The following CNST variants were observed in gnomAD, a reference collection of about 807,000 sequenced individuals.
CNST encodes the protein consortin.
A neutral mutation model predicts 72.4 loss-of-function variants in CNST; 39 were observed. The observed-to-expected ratio is 0.54, with a 90% CI of 0.42 to 0.70. The LOEUF is 0.70. Among genes scored for constraint, CNST ranks in the 30% least tolerant of loss-of-function variants. The pLI is 0.00. For missense variants in CNST, 871 were observed against 868.5 expected (o/e 1.00, Z -0.04); for synonymous variants, 332 against 320.1 (o/e 1.04, Z -0.40).
chr1:246,579,795 GTAAA>G (rs1347712372), intron 1 of CNST, among the ~76,000 whole-genome samples: 1 of 152,056 alleles, frequency 6.6e-6, no homozygotes, highest in Admixed American at 6.6e-5. Flanking sequence ...CCTCAGCAGA[GTAAA>G]TAAAACAAAA....
At chr1:246,586,122 T>G (rs1406648815) in intron 1 of CNST, among the ~76,000 whole-genome samples, 1 of 148,378 alleles carries the variant, frequency 6.7e-6, no homozygotes, top group Admixed American at 6.8e-5. Flanking sequence ...TGTGTGTGTG[T>G]GTGTGTGTGT....
At position 246,659,709 on chromosome 1, in the gene CNST, G is replaced by A. The variant is rs1193777249; in HGVS notation, c.1837-490G>A. Among the ~76,000 whole-genome samples the A allele has an allele frequency of 3.3e-5, 5 of 152,204 alleles. No individual in the cohort carries two copies. In the East Asian group the frequency reaches 9.6e-4, roughly 29 times the overall value. ...AAATGCGTAGTTTCTCAGAGAAACT[G>A]AGGACAACACTTTAATGTTAAAAGC... On this transcript the variant is annotated intron_variant, in intron 9 of 10. Coordinates refer to ENST00000366513, the MANE Select transcript of CNST (RefSeq NM_152609.3).
intron 10 of CNST, among the ~76,000 whole-genome samples, chr1:246,663,989 G>A (rs763062318): frequency 2.6e-5 from 4 of 152,008 alleles, no homozygotes; most frequent in Non-Finnish European, 4.4e-5. Flanking sequence ...ACTGCACAAT[G>A]TTCTAAATAA....
chr1:246,642,826 A>G (rs1430237270), intron 8 of CNST, among the ~76,000 whole-genome samples: 2 of 464 alleles, frequency 4.3e-3, no homozygotes, highest in African/African-American at 0.012. Flanking sequence ...GATGGTGATG[A>G]TGGTGGTGAT....
At chr1:246,615,708 G>A (rs941133382) in intron 2 of CNST, among the ~76,000 whole-genome samples, 9 of 151,060 alleles carry the variant, frequency 6.0e-5, no homozygotes, top group African/African-American at 1.7e-4. Context: ...GAGAAACCCC[G>A]TCTCTACTAA....
At position 246,655,513 on chromosome 1, in the gene CNST, C is replaced by T. The variant is rs528677950; in HGVS notation, c.1837-4686C>T. On this transcript the variant is annotated intron_variant, in intron 9 of 10. Coordinates refer to ENST00000366513, the MANE Select transcript of CNST (RefSeq NM_152609.3). ...ACACAAAGATCTTTCATCTAATCTC[C>T]TCTTCCCCTGTGTCTCTAGATGGGC... 2.0e-5 allele frequency among the ~76,000 whole-genome samples: 3 copies of T among 152,286 alleles called. No homozygotes were observed. The South Asian group carries it at 6.2e-4, about 32-fold the overall frequency.
intron 3 of CNST, 41 bp downstream of exon 3, chr1:246,621,675 C>T (rs569000914): frequency 6.6e-7 from 1 of 1,511,260 alleles, no homozygotes; most frequent in African/African-American, 1.4e-5. Context: ...CACGAAAATT[C>T]CCCTAGCAGT....
intron 2 of CNST, among the ~76,000 whole-genome samples, chr1:246,608,328 C>G (rs1332295401): frequency 6.6e-6 from 1 of 152,146 alleles, no homozygotes; most frequent in Admixed American, 6.6e-5. Context: ...CAACAGAGAC[C>G]CTGTCTTTAA....
intron 1 of CNST, among the ~76,000 whole-genome samples, chr1:246,581,656 T>C (rs926868779): frequency 1.3e-5 from 2 of 152,272 alleles, no homozygotes; most frequent in African/African-American, 4.8e-5. Context: ...TAATGTGTTC[T>C]AGAGGACATT....
intron 1 of CNST, among the ~76,000 whole-genome samples, chr1:246,575,493 C>G (rs1264542246): frequency 6.6e-6 from 1 of 152,078 alleles, no homozygotes; most frequent in Non-Finnish European, 1.5e-5. Context: ...ATTCCATTTA[C>G]GTGAAATGTC....
In CNST at chr1:246,665,692, G is replaced by A. The variant is rs1667360019; in HGVS notation, c.1973-8G>A. The A allele has an allele frequency of 6.2e-7, 1 of 1,611,344 alleles. No homozygotes were observed. The highest frequency in any genetic ancestry group is 8.5e-7 in the Non-Finnish European group (1 of 1,178,908). On this transcript the variant is annotated splice_region_variant and splice_polypyrimidine_tract_variant and intron_variant, in intron 10 of 10. Transcript: ENST00000366513. ...ACAATGTAACCTCACTCTTTCTCAT[G>A]TTTGCAGATGAAGTTGGAGGTGGCT...
chr1:246,595,831 G>A (rs1317247906), intron 2 of CNST, among the ~76,000 whole-genome samples: 2 of 152,202 alleles, frequency 1.3e-5, no homozygotes, highest in Admixed American at 6.5e-5. Context: ...AGTTTAATTT[G>A]TAGTCATTTT....
Position 246,647,408 on chromosome 1 carries a change from G to A in CNST, c.1207G>A (p.Ala403Thr). ...ACEDDSRLQLAQTEACQDVAR... is the reference protein window; with the variant it reads ...ACEDDSRLQLTQTEACQDVAR... Reference sequence around the variant, plus strand: ...TGAGGATGACAGTCGCTTGCAGCTGGCTCAAACAGAGGCCTGCCAGGATGT... The same window carrying A: ...TGAGGATGACAGTCGCTTGCAGCTGACTCAAACAGAGGCCTGCCAGGATGT... The change falls in exon 9 of 11, where the codon GCT (alanine) becomes ACT (threonine). Residue 403 changes from alanine to threonine, a missense_variant. Transcript: ENST00000366513. 2 of 1,614,140 alleles carry A rather than the reference G, an allele frequency of 1.2e-6. No homozygotes were observed. The highest frequency in any genetic ancestry group is 1.7e-6 in the Non-Finnish European group (2 of 1,180,036).
Position 246,647,198 on chromosome 1 carries a change from C to T in CNST, c.997C>T (p.Leu333=). 1 of 1,614,156 alleles carries T rather than the reference C, an allele frequency of 6.2e-7. No homozygotes were observed. Among genetic ancestry groups the T allele is most frequent in the Non-Finnish European group, 8.5e-7 (1 of 1,180,016 alleles). ...AGAAAGCCAACATACAGTGGAGCCC[C>T]TGGGGAGCAGTCCCTGCTGTCATCA... The part of the protein sequence containing the change: ...SKESQHTVEP[L]GSSPCCHQMD... Residue 333 remains leucine (L), a synonymous_variant, in exon 9 of 11, where the codon CTG becomes TTG. Coordinates refer to ENST00000366513, the MANE Select transcript of CNST (RefSeq NM_152609.3).
chr1:246,657,868 G>A (rs935877533), intron 9 of CNST, among the ~76,000 whole-genome samples: 1 of 151,800 alleles, frequency 6.6e-6, no homozygotes, highest in African/African-American at 2.4e-5. Context: ...TTTATGGCTT[G>A]TATCCGTTTC....
At chr1:246,592,420 G>A (rs1010200036) in intron 2 of CNST, among the ~76,000 whole-genome samples, 6 of 152,094 alleles carry the variant, frequency 3.9e-5, no homozygotes, top group East Asian at 1.9e-4. Flanking sequence ...CCTGGGAGGC[G>A]GAGGTTGCAG....
At chr1:246,583,188 T>A (rs978506239) in intron 1 of CNST, among the ~76,000 whole-genome samples, 3 of 152,264 alleles carry the variant, frequency 2.0e-5, no homozygotes, top group Non-Finnish European at 4.4e-5. Context: ...CATTCCTTCC[T>A]GTGTTTACCA....
Position 246,647,791 on chromosome 1 carries a change from A to G in CNST, c.1590A>G (p.Pro530=). ...GILLPEVCMA[P]EEKGDKDDQL... is the part of the protein sequence containing the mutation. ...TGCTTCCAGAGGTGTGTATGGCCCC[A>G]GAGGAAAAGGGAGATAAAGACGACC... The change falls in exon 9 of 11, where the codon CCA becomes CCG. Residue 530 remains proline (P), a synonymous_variant. Coordinates refer to ENST00000366513, the MANE Select transcript of CNST (RefSeq NM_152609.3). The G allele has an allele frequency of 1.2e-6, 2 of 1,614,210 alleles. No homozygotes were observed. Among genetic ancestry groups the G allele is most frequent in the Non-Finnish European group, 1.7e-6 (2 of 1,180,030 alleles).
chr1:246,604,546 T>C (rs772833656), intron 2 of CNST, among the ~76,000 whole-genome samples: 11 of 152,148 alleles, frequency 7.2e-5, no homozygotes, highest in Non-Finnish European at 1.2e-4. Context: ...TTATGGAATA[T>C]TAAAGAAGGG....
Sources: allele counts gnomAD v4.1 joint callset (sites outside exome capture counted in the v4.1 genomes callset), GRCh38; gene constraint gnomAD v4.1.1; transcripts MANE v1.5; gene names NCBI Gene and HGNC (gene_info 2026-07-23, HGNC 2026-07-21).